Variants in EPHA3 observed in about 807,000 individuals in gnomAD.
EPHA3 encodes EPH receptor A3.
A neutral mutation model predicts 107.1 loss-of-function variants in EPHA3; 42 were observed. The observed-to-expected ratio is 0.39, with a 90% CI of 0.31 to 0.51. The LOEUF is 0.51. Among genes scored for constraint, EPHA3 ranks in the 20% least tolerant of loss-of-function variants. The pLI is 0.78. For synonymous variants in EPHA3, 461 were observed against 424.8 expected, an observed-to-expected ratio of 1.09 and a Z score of -1.05; for missense variants, 1,183 against 1,211.2, an observed-to-expected ratio of 0.98 and a Z score of 0.35.
chr3:89,346,436 A>G (rs1261603210), intron 5 of EPHA3, among the ~76,000 whole-genome samples: 1 of 146,688 alleles, frequency 6.8e-6, no homozygotes, highest in Admixed American at 6.8e-5. Flanking sequence ...GTGTCTGTTC[A>G]TGTCCTTCAC....
At chr3:89,456,068 T>C (rs961295964) in intron 15 of EPHA3, among the ~76,000 whole-genome samples, 5 of 152,172 alleles carry the variant, frequency 3.3e-5, no homozygotes, top group Admixed American at 2.6e-4. Context: ...CATTAGTAAA[T>C]TTACATTTCA....
intron 5 of EPHA3, among the ~76,000 whole-genome samples, chr3:89,382,735 C>A (rs1163232540): frequency 2.0e-5 from 3 of 151,986 alleles, no homozygotes; most frequent in Non-Finnish European, 2.9e-5. Context: ...GGTACCTGAC[C>A]CTGACAGGAT....
rs1255510379 is a variant in EPHA3 at position 89,347,358 on chromosome 3, G to T, written c.1306+5268G>T. On this transcript the variant is annotated intron_variant, in intron 5 of 16. Transcript: ENST00000336596. ...CATCCCTTGTAAGTTGGATTCCTAG[G>T]TATTTTATTCTCTTTGAAGCAATTG... is the stretch of plus-strand genomic sequence containing the variant. Among the ~76,000 whole-genome samples the T allele has an allele frequency of 1.4e-3, 205 of 148,300 alleles. 4 individuals are homozygous for T. The highest frequency in any genetic ancestry group is 4.8e-3 in the African/African-American group (197 of 40,648).
Position 89,356,601 on chromosome 3 carries a change from C to G in EPHA3, c.1306+14511C>G, listed in dbSNP as rs1021618115. ...CCAAGTTTTTTTCAAAATCGCAATT[C>G]ATATCTATAATGCGTGACAATCCTC... On this transcript the variant is annotated intron_variant, in intron 5 of 16. Transcript: ENST00000336596. 3.8e-4 allele frequency among the ~76,000 whole-genome samples: 58 copies of G among 151,244 alleles called. 1 individual carries two copies. The highest frequency in any genetic ancestry group is 1.4e-3 in the African/African-American group (58 of 41,476).
intron 2 of EPHA3, among the ~76,000 whole-genome samples, chr3:89,160,518 C>A (rs1490367348): frequency 6.8e-6 from 1 of 147,948 alleles, no homozygotes; most frequent in African/African-American, 2.5e-5. Flanking sequence ...GCTTTATATT[C>A]CACAAGTCAG....
intron 1 of EPHA3, among the ~76,000 whole-genome samples, chr3:89,119,438 A>G (rs1707330196): frequency 6.6e-6 from 1 of 152,144 alleles, no homozygotes; most frequent in Non-Finnish European, 1.5e-5. Flanking sequence ...TGCTCCTAAG[A>G]TGCAAAGGAA....
rs1241127078 is a variant in EPHA3 at position 89,270,347 on chromosome 3, T to G, written c.814+59827T>G. Among the ~76,000 whole-genome samples, 5 of 152,060 alleles carry G rather than the reference T, an allele frequency of 3.3e-5. 1 individual carries two copies. The highest frequency in any genetic ancestry group is 3.2e-3 in the Middle Eastern group (1 of 316). ...TGACCTTTATACTCAGAAATCCCTTTCCAGCCTCCTTCTGCCAGGACTTCC... is the reference window on the plus strand; with the variant it reads ...TGACCTTTATACTCAGAAATCCCTTGCCAGCCTCCTTCTGCCAGGACTTCC... On this transcript the variant is annotated intron_variant, in intron 3 of 16. Transcript: ENST00000336596.
At position 89,431,134 on chromosome 3, in the gene EPHA3, T is replaced by C; in HGVS notation, c.2137-16T>C. On this transcript the variant is annotated splice_polypyrimidine_tract_variant and intron_variant, in intron 12 of 16. Coordinates refer to ENST00000336596, the MANE Select transcript of EPHA3 (RefSeq NM_005233.6). The stretch of plus-strand genomic sequence containing the variant: ...ATAGGAACGTATCTTAATTGTACAT[T>C]TGAAATGCTTCCCAGAAACACGATG... 3 of 1,611,874 alleles carry C rather than the reference T, an allele frequency of 1.9e-6. No individual in the cohort carries two copies. The highest frequency in any genetic ancestry group is 2.5e-6 in the Non-Finnish European group (3 of 1,178,958).
At position 89,431,343 on chromosome 3, in the gene EPHA3, C is replaced by T. The variant is rs34437982; in HGVS notation, c.2330C>T (p.Ala777Val). 2 of 1,613,444 alleles carry T rather than the reference C, an allele frequency of 1.2e-6. No homozygotes were observed. The highest frequency in any genetic ancestry group is 2.7e-5 in the African/African-American group (2 of 74,856). The change falls in exon 13 of 17, where the codon GCT becomes GTT. Residue 777 changes from alanine to valine, a missense_variant. Transcript: ENST00000336596. ...CGTGTCCTGGAGGATGACCCAGAAG[C>T]TGCTTATACAACAAGAGTGAGTAAC... ...LSRVLEDDPE[A>V]AYTTRGGKIP...
chr3:89,170,020 G>A (rs1705175317), intron 2 of EPHA3, among the ~76,000 whole-genome samples: 1 of 152,006 alleles, frequency 6.6e-6, no homozygotes, highest in Non-Finnish European at 1.5e-5. Flanking sequence ...AGGCCGAGGC[G>A]GGTAGATCAC....
intron 3 of EPHA3, among the ~76,000 whole-genome samples, chr3:89,265,074 A>G (rs1705505484): frequency 6.6e-6 from 1 of 152,190 alleles, no homozygotes; most frequent in Non-Finnish European, 1.5e-5. Flanking sequence ...AAATTGATTA[A>G]AAATTAAAAA....
At chr3:89,133,614 G>A (rs756880531) in intron 2 of EPHA3, among the ~76,000 whole-genome samples, 3 of 152,140 alleles carry the variant, frequency 2.0e-5, no homozygotes, top group Admixed American at 1.3e-4. Flanking sequence ...TGGCAGATGA[G>A]GCAAAACTAT....
chr3:89,278,989 T>C (rs1705877178), intron 3 of EPHA3, among the ~76,000 whole-genome samples: 1 of 152,218 alleles, frequency 6.6e-6, no homozygotes, highest in Non-Finnish European at 1.5e-5. Context: ...GTTTAAACTG[T>C]GGAAAATTTG....
chr3:89,377,090 T>C (rs1304897295), intron 5 of EPHA3, among the ~76,000 whole-genome samples: 3 of 152,166 alleles, frequency 2.0e-5, no homozygotes, highest in African/African-American at 7.2e-5. Context: ...GAATATGATC[T>C]TTTTTAGTTC....
chr3:89,273,628 A>T (rs1349596227), intron 3 of EPHA3, among the ~76,000 whole-genome samples: 1 of 151,856 alleles, frequency 6.6e-6, no homozygotes, highest in African/African-American at 2.4e-5. Context: ...TGCTGTGACT[A>T]TTGAATTGCT....
chr3:89,248,285 A>G (rs562816912), intron 3 of EPHA3, among the ~76,000 whole-genome samples: 1 of 152,128 alleles, frequency 6.6e-6, no homozygotes, highest in South Asian at 2.1e-4. Context: ...ATTTTTCTCA[A>G]CTCATCTTTC....
At chr3:89,391,079 C>A (rs937906823) in intron 5 of EPHA3, among the ~76,000 whole-genome samples, 1 of 152,068 alleles carries the variant, frequency 6.6e-6, no homozygotes, top group African/African-American at 2.4e-5. Context: ...AGCCACTGCA[C>A]CTGGCCTGAA....
At chr3:89,468,290 C>G (rs756294686) in intron 15 of EPHA3, among the ~76,000 whole-genome samples, 1 of 151,700 alleles carries the variant, frequency 6.6e-6, no homozygotes, top group African/African-American at 2.4e-5. Context: ...TGATCCAAGT[C>G]ATAAACAGAC....
At position 89,480,505 on chromosome 3, in the gene EPHA3, C is replaced by T. The variant is rs1710602925; in HGVS notation, c.*1003C>T. On this transcript the variant is annotated 3_prime_UTR_variant, in exon 17 of 17. Coordinates refer to ENST00000336596, the MANE Select transcript of EPHA3 (RefSeq NM_005233.6). The stretch of plus-strand genomic sequence containing the variant: ...GTGCTTAGAGACTATCAACTCCCTC[C>T]TTTAGTGAAGGAGCCGTGTTAGAGC... 4.3e-6 allele frequency: 1 copy of T among 233,190 alleles called. No homozygotes were observed. The highest frequency in any genetic ancestry group is 2.2e-5 in the African/African-American group (1 of 45,298). The allele number at this position is 233,190 out of a possible 1,614,324, so 14.4% of individuals were successfully genotyped here. A position where few individuals can be genotyped will look rare whatever the true frequency, so the allele number is the denominator to read the frequency against.
Sources: gnomAD v4.1 joint callset for allele counts (sites outside exome capture counted in the v4.1 genomes callset) on GRCh38, gnomAD v4.1.1 for gene constraint, MANE v1.5 for transcripts, NCBI Gene and HGNC (gene_info 2026-07-23, HGNC 2026-07-21) for gene names.